Variants in IST1 observed in about 807,000 individuals in gnomAD.
IST1 encodes the protein IST1 factor associated with ESCRT-III.
Under a neutral mutation model 37.0 loss-of-function variants are expected in IST1, and 23 were observed. The observed-to-expected ratio is 0.62, with a 90% CI of 0.45 to 0.88. The LOEUF (loss-of-function observed/expected upper bound fraction) is 0.88. Ranked by LOEUF, IST1 falls within the 40% of genes least tolerant of loss-of-function variation. IST1 has a pLI of 0.00. For synonymous variants in IST1, 180 were observed against 161.7 expected (o/e 1.11, Z -0.86); for missense variants, 488 against 445.4 (o/e 1.10, Z -0.86).
intron 5 of IST1, 79 bp downstream of exon 5, chr16:71,920,901 A>AC: frequency 3.1e-6 from 3 of 980,184 alleles, no homozygotes; most frequent in Non-Finnish European, 3.3e-6. Flanking sequence ...TCTAGTGGGT[A>AC]CCACTGTATT....
chr16:71,902,655 TTTG>T (rs1300366715), intron 1 of IST1, among the ~76,000 whole-genome samples: 6 of 152,136 alleles, frequency 3.9e-5, no homozygotes, highest in Non-Finnish European at 7.4e-5. Context: ...TTCTGAGGGA[TTTG>T]TTTATTTCAT....
intron 1 of IST1, among the ~76,000 whole-genome samples, chr16:71,906,496 G>A (rs1255132807): frequency 1.3e-5 from 2 of 149,354 alleles, no homozygotes; most frequent in African/African-American, 4.9e-5. Context: ...TTTTTTTTTC[G>A]TAGAGACGGG....
intron 1 of IST1, among the ~76,000 whole-genome samples, chr16:71,914,715 C>G (rs1312596949): frequency 6.6e-6 from 1 of 152,158 alleles, no homozygotes; most frequent in African/African-American, 2.4e-5. Context: ...CACTAGTAGA[C>G]AAGTACTATT....
intron 1 of IST1, among the ~76,000 whole-genome samples, chr16:71,907,833 A>T (rs2037260577): frequency 6.6e-6 from 1 of 151,776 alleles, no homozygotes; most frequent in Admixed American, 6.6e-5. Flanking sequence ...TTTTATTTTG[A>T]GACAGGATCT....
chr16:71,903,832 G>C (rs970878950), intron 1 of IST1, among the ~76,000 whole-genome samples: 1 of 152,156 alleles, frequency 6.6e-6, no homozygotes, highest in African/African-American at 2.4e-5. Flanking sequence ...GTGGTGTTCA[G>C]TTCACTGTCC....
Position 71,924,826 on chromosome 16 carries a change from T to G in IST1, c.901+9T>G. The G allele has an allele frequency of 6.3e-7, 1 of 1,589,640 alleles. No homozygotes were observed. ...TTCTGCACAGATTGTTGGTGAGTAG[T>G]ATCAATCAGAAACCTGCAGAGCTCA... On this transcript the variant is annotated intron_variant, in intron 9 of 9. Transcript: ENST00000378799.
rs757551012 is a variant in IST1, at chr16:71,923,342, C to G, written c.814C>G (p.Pro272Ala). The change falls in exon 8 of 10, where the codon CCA becomes GCA. Residue 272 changes from proline to alanine, a missense_variant. Coordinates refer to ENST00000378799, the MANE Select transcript of IST1 (RefSeq NM_001270975.2). ...TTATCAGGCCTTTCCCAATATTCAT[C>G]CACCTCAGATACCAGCAACTCCCCC... ...GTYQAFPNIH[P>A]PQIPATPPSY... The G allele has an allele frequency of 6.2e-7, 1 of 1,612,216 alleles. No homozygotes were observed. Among genetic ancestry groups the G allele is most frequent in the South Asian group, 1.1e-5 (1 of 91,034 alleles).
intron 1 of IST1, chr16:71,903,368 A>T (rs186023971): frequency 3.8e-4 from 57 of 151,312 alleles, no homozygotes; most frequent in Admixed American, 5.9e-4. Flanking sequence ...ACATATATAT[A>T]TTTTTTTTTT....
At position 71,929,488 on chromosome 16, in the gene IST1, A is replaced by G. The variant is rs1238765790; in HGVS notation, c.*1675A>G. ...AATTTTAAAGCTATGCCATGCAAAG[A>G]TAAGTAGTAATACGCTAATAAATAC... On this transcript the variant is annotated 3_prime_UTR_variant, in exon 10 of 10. Transcript: ENST00000378799. 4.1e-6 allele frequency: 6 copies of G among 1,469,912 alleles called. No homozygotes were observed. The highest frequency in any genetic ancestry group is 1.3e-5 in the South Asian group (1 of 74,526). The allele number at this position is 1,469,912 out of a possible 1,614,324, so 91.1% of individuals were successfully genotyped here.
At chr16:71,898,746 A>G (rs1048608135) in intron 1 of IST1, among the ~76,000 whole-genome samples, 5 of 151,966 alleles carry the variant, frequency 3.3e-5, no homozygotes, top group African/African-American at 7.2e-5. Flanking sequence ...TGGGAGGCCA[A>G]GGCGGGCAGA....
chr16:71,909,060 A>C, intron 1 of IST1, among the ~76,000 whole-genome samples: 1 of 144,280 alleles, frequency 6.9e-6, no homozygotes, highest in East Asian at 2.1e-4. Flanking sequence ...TCTGCTGCAT[A>C]GTATTCTGTC....
In IST1 at chr16:71,926,413, G is replaced by A. The variant is rs529565654; in HGVS notation, c.902-1201G>A. Among the ~76,000 whole-genome samples the A allele has an allele frequency of 4.0e-5, 6 of 151,196 alleles. No individual in the cohort carries two copies. In the East Asian group the frequency reaches 9.7e-4, roughly 24 times the overall value. On this transcript the variant is annotated intron_variant, in intron 9 of 9. Coordinates refer to ENST00000378799, the MANE Select transcript of IST1 (RefSeq NM_001270975.2). ...GGCTGGAATGCAGTGGCGTGATCTC[G>A]GCTCATTGCAAGCTCCACCTCCCGG...
intron 7 of IST1, 82 bp from the exon 8 acceptor site, chr16:71,923,206 T>G (rs940366985): frequency 2.1e-5 from 15 of 714,542 alleles, no homozygotes; most frequent in Non-Finnish European, 3.4e-5. Flanking sequence ...ATAAATGTAT[T>G]TCTTTCTCCC....
At chr16:71,911,076 C>G (rs554558778) in intron 1 of IST1, among the ~76,000 whole-genome samples, 4 of 152,108 alleles carry the variant, frequency 2.6e-5, no homozygotes, top group Non-Finnish European at 2.9e-5. Flanking sequence ...CCCGTCTCTA[C>G]TAAAAATACA....
chr16:71,927,730 G>C lies in IST1; in HGVS notation c.1018G>C (p.Ala340Pro). ...GCCAGACACACTACCAACTGCATCT[G>C]CTGGTGCCAGCACCTCAGCATCTGA... The part of the protein sequence containing the change: ...SVPDTLPTAS[A>P]GASTSASEDI... Residue 340 changes from alanine to proline, a missense_variant, in exon 10 of 10, where the codon GCT becomes CCT. Ala to Pro is a conservative substitution (Grantham distance 27). Around this residue, in one of 2 missense-constraint regions of IST1, gnomAD observed 455 missense variants for 386.2 expected, o/e 1.18. Coordinates refer to ENST00000378799, the MANE Select transcript of IST1 (RefSeq NM_001270975.2). 1 of 1,613,984 alleles carries C rather than the reference G, an allele frequency of 6.2e-7. No individual in the cohort carries two copies.
At chr16:71,924,978 T>TTCTA (rs1211364288) in intron 9 of IST1, among the ~76,000 whole-genome samples, 161 bp downstream of exon 9, 4 of 152,252 alleles carry the variant, frequency 2.6e-5, no homozygotes, top group Non-Finnish European at 4.4e-5. Context: ...GATATCCTGC[T>TTCTA]TCTAAGTACA....
At chr16:71,903,081 C>T (rs941917320) in intron 1 of IST1, 9 of 152,162 alleles carry the variant, frequency 5.9e-5, no homozygotes, top group Middle Eastern at 3.1e-3. Flanking sequence ...CTCAAACTCT[C>T]GTGCTCACTG....
intron 9 of IST1, among the ~76,000 whole-genome samples, chr16:71,927,272 G>T (rs549867604): frequency 7.2e-5 from 11 of 152,140 alleles, no homozygotes; most frequent in Non-Finnish European, 1.0e-4. Flanking sequence ...GCTGAGGTGT[G>T]TGGATCACTT....
intron 1 of IST1, among the ~76,000 whole-genome samples, chr16:71,896,000 C>T (rs893104995): frequency 1.3e-5 from 2 of 152,238 alleles, no homozygotes; most frequent in Non-Finnish European, 2.9e-5. Flanking sequence ...TCAGAGCTTC[C>T]AGTGCCGCGA....
Sources: allele counts gnomAD v4.1 joint callset (sites outside exome capture counted in the v4.1 genomes callset), GRCh38; gene constraint gnomAD v4.1.1; regional missense constraint gnomAD v4.1.1; transcripts MANE v1.5; gene names NCBI Gene and HGNC (gene_info 2026-07-23, HGNC 2026-07-21).